Variants in CDH23 observed in about 807,000 individuals in gnomAD.
CDH23 encodes cadherin-23.
CDH23 carries 189 observed loss-of-function variants against 317.1 expected under a neutral mutation model. The ratio of observed to expected loss-of-function variants is 0.60; its 90% CI spans 0.53 to 0.67. CDH23 has a LOEUF of 0.67. CDH23 is among the 30% of genes least tolerant of loss of function. The probability of loss-of-function intolerance (pLI) is 0.00; values close to 1 mark genes in which losing one functional copy is unlikely to be tolerated. For synonymous variants in CDH23, 1,839 were observed against 1,876.8 expected (o/e 0.98, Z 0.52); for missense variants, 4,401 against 4,592.4 (o/e 0.96, Z 1.20).
chr10:71,694,544 T>C (rs1253997690), intron 21 of CDH23, among the ~76,000 whole-genome samples: 1 of 152,114 alleles, frequency 6.6e-6, no homozygotes, highest in Admixed American at 6.5e-5. Flanking sequence ...GCAGAAGGCA[T>C]GAGCCCCATA....
intron 64 of CDH23, 47 bp downstream of exon 64, chr10:71,811,637 C>T (rs763053144): frequency 1.1e-5 from 17 of 1,613,844 alleles, no homozygotes; most frequent in East Asian, 2.2e-5. Flanking sequence ...CACCTGCTCC[C>T]GGATGGCCAC....
At chr10:71,812,333 C>T (rs1262641107) in intron 66 of CDH23, 147 bp from the exon 67 acceptor site, 6 of 1,598,794 alleles carry the variant, frequency 3.8e-6, no homozygotes, top group East Asian at 2.2e-5. Context: ...TGGGAGCATG[C>T]ACCACAGGCA....
Position 71,403,705 on chromosome 10 carries a change from C to T in CDH23, c.-6+6387C>T, listed in dbSNP as rs192561597. On this transcript the variant is annotated intron_variant, in intron 1 of 69. Transcript: ENST00000224721. ...CTAATTTTTGTATTTTTAGTAGAAA[C>T]GGGGTTTCACCATGTTTACCGGGAT... Among the ~76,000 whole-genome samples, 1,025 of 151,506 alleles carry T rather than the reference C, an allele frequency of 6.8e-3. 16 individuals are homozygous for T. Among genetic ancestry groups the T allele is most frequent in the Admixed American group, 0.041 (630 of 15,194 alleles).
chr10:71,609,737 G>A (rs970682838), intron 9 of CDH23, among the ~76,000 whole-genome samples: 1 of 152,018 alleles, frequency 6.6e-6, no homozygotes, highest in East Asian at 1.9e-4. Flanking sequence ...CAGCAGCCTC[G>A]CCTGGTGCGC....
intron 1 of CDH23, among the ~76,000 whole-genome samples, chr10:71,416,305 A>G (rs1848531394): frequency 6.6e-6 from 1 of 152,182 alleles, no homozygotes. Context: ...GATTACAGGC[A>G]TAAGCCACTG....
At chr10:71,707,080 G>A in intron 26 of CDH23, 31 bp downstream of exon 26, 1 of 1,581,932 alleles carries the variant, frequency 6.3e-7, no homozygotes, top group Non-Finnish European at 8.6e-7. Flanking sequence ...CACCTGTGCA[G>A]GCCTCCTGGG....
At chr10:71,606,181 G>A (rs913750976) in intron 9 of CDH23, among the ~76,000 whole-genome samples, 1 of 152,208 alleles carries the variant, frequency 6.6e-6, no homozygotes, top group African/African-American at 2.4e-5. Flanking sequence ...ATTAGGAGAG[G>A]TTATAATTTG....
chr10:71,779,710 A>G (rs556415807), intron 41 of CDH23, among the ~76,000 whole-genome samples: 1 of 152,364 alleles, frequency 6.6e-6, no homozygotes, highest in East Asian at 1.9e-4. Flanking sequence ...GAACATGATT[A>G]AAAAATGCCC....
intron 16 of CDH23, among the ~76,000 whole-genome samples, chr10:71,678,620 G>A (rs139852677): frequency 3.9e-5 from 6 of 152,302 alleles, no homozygotes; most frequent in Admixed American, 2.0e-4. Flanking sequence ...ACGGCCCCCC[G>A]TACAACCCTG....
At chr10:71,702,855 G>A (rs1439951785) in intron 24 of CDH23, among the ~76,000 whole-genome samples, 161 bp downstream of exon 24, 1 of 152,200 alleles carries the variant, frequency 6.6e-6, no homozygotes, top group Admixed American at 6.5e-5. Context: ...GCAGGAAAAG[G>A]ATAGGGAGAT....
chr10:71,398,193 C>T (rs1026651564), intron 1 of CDH23, among the ~76,000 whole-genome samples: 9 of 152,234 alleles, frequency 5.9e-5, no homozygotes, highest in Non-Finnish European at 2.9e-5. Context: ...CGCCGCCCCA[C>T]TGCGACCCCA....
intron 11 of CDH23, among the ~76,000 whole-genome samples, chr10:71,638,916 G>A (rs1423304689): frequency 3.3e-5 from 5 of 152,250 alleles, no homozygotes; most frequent in Admixed American, 2.6e-4. Flanking sequence ...GAAGTTGCGG[G>A]GCAGCCCTCC....
In CDH23 at chr10:71,677,692, G is replaced by C; in HGVS notation, c.1751G>C (p.Arg584Pro). 6.4e-7 allele frequency: 1 copy of C among 1,555,264 alleles called. No homozygotes were observed. Among genetic ancestry groups the C allele is most frequent in the Non-Finnish European group, 8.7e-7 (1 of 1,148,836 alleles). Residue 584 changes from arginine to proline, a missense_variant and splice_region_variant, in exon 16 of 70, where the codon CGG becomes CCG. Arg to Pro is a moderately radical substitution (Grantham distance 103). Coordinates refer to ENST00000224721, the MANE Select transcript of CDH23 (RefSeq NM_022124.6). ...TCTGTCACACAGCTGGTGCGGCTCC[G>C]GGTAAGGTGCCAGGGAGCCCTGCAC... Reference protein sequence around the residue: ...EPSVTQLVRLRATDEDSPPNN... With the variant: ...EPSVTQLVRLPATDEDSPPNN...
intron 28 of CDH23, chr10:71,716,349 C>T (rs1256355169): frequency 2.0e-6 from 3 of 1,464,286 alleles, no homozygotes; most frequent in Admixed American, 2.6e-5. Context: ...GCTCCTGCAA[C>T]AGCAACAAGA....
chr10:71,784,298 A>G lies in CDH23; in HGVS notation c.5380A>G (p.Ile1794Val), dbSNP rs1841037554. ...MDGDPLGEFV[I>V]SPVEGVLRVR... Reference sequence around the variant, plus strand: ...CTGGTGACACCCAGGGGAGTTTGTGATCTCTCCTGTGGAGGGGGTGCTAAG... The same window carrying G: ...CTGGTGACACCCAGGGGAGTTTGTGGTCTCTCCTGTGGAGGGGGTGCTAAG... The change falls in exon 42 of 70, where the codon ATC becomes GTC. Residue 1794 changes from isoleucine (I) to valine (V), a missense_variant. By Grantham distance (29) the Ile-to-Val change is conservative. Around this residue, in one of 3 missense-constraint regions of CDH23, gnomAD observed 3,068 missense variants for 3,203.3 expected, o/e 0.96. Coordinates refer to ENST00000224721, the MANE Select transcript of CDH23 (RefSeq NM_022124.6). 2.5e-6 allele frequency: 4 copies of G among 1,613,266 alleles called. No individual in the cohort carries two copies. Among genetic ancestry groups the G allele is most frequent in the African/African-American group, 1.3e-5 (1 of 75,014 alleles).
intron 18 of CDH23, among the ~76,000 whole-genome samples, chr10:71,686,136 G>A (rs1396710907): frequency 6.6e-6 from 1 of 152,024 alleles, no homozygotes; most frequent in Non-Finnish European, 1.5e-5. Flanking sequence ...TTTGTAGAGC[G>A]AGCCGCTGAT....
In CDH23 at chr10:71,800,666, C is replaced by A. The variant is rs760879110; in HGVS notation, c.7393C>A (p.Arg2465=). The A allele has an allele frequency of 6.2e-7, 1 of 1,613,904 alleles. No homozygotes were observed. Among genetic ancestry groups the A allele is most frequent in the Non-Finnish European group, 8.5e-7 (1 of 1,179,880 alleles). The change falls in exon 53 of 70, where the codon CGG becomes AGG. Residue 2465 remains arginine, a synonymous_variant. Transcript: ENST00000224721. ...CATCTATGTGCTGTCTTCTCTGGACCGGGAGAAGAAGGACCACTATATCCT... is the reference window on the plus strand; with the variant it reads ...CATCTATGTGCTGTCTTCTCTGGACAGGGAGAAGAAGGACCACTATATCCT... The part of the protein sequence containing the change: ...GDIYVLSSLD[R]EKKDHYILTA...
At chr10:71,642,393 C>CTTTTTT (rs781291264) in intron 11 of CDH23, among the ~76,000 whole-genome samples, 14 of 85,390 alleles carry the variant, frequency 1.6e-4, no homozygotes, top group South Asian at 5.6e-4. Flanking sequence ...GGCCCGGCCT[C>CTTTTTT]TTTTTTTTTT....
Position 71,751,786 on chromosome 10 carries a change from C to T in CDH23, c.4845+9865C>T. On this transcript the variant is annotated intron_variant, in intron 38 of 69. Coordinates refer to ENST00000224721, the MANE Select transcript of CDH23 (RefSeq NM_022124.6). This position sits in a 1 kb window ranked among gnomAD's most constrained non-coding sequence, Gnocchi z 4.9. ...GCTGGGCCACATAGGACAGGGGGTGCCTGACTTTGGCCTCGGGTATCCCCT... is the reference window on the plus strand; with the variant it reads ...GCTGGGCCACATAGGACAGGGGGTGTCTGACTTTGGCCTCGGGTATCCCCT... 1 of 1,599,660 alleles carries T rather than the reference C, an allele frequency of 6.3e-7. No homozygotes were observed. The highest frequency in any genetic ancestry group is 2.2e-5 in the East Asian group (1 of 44,502).
Sources: allele counts gnomAD v4.1 joint callset (sites outside exome capture counted in the v4.1 genomes callset), GRCh38; gene constraint gnomAD v4.1.1; regional missense constraint gnomAD v4.1.1; non-coding constraint Gnocchi (gnomAD v3.1); transcripts MANE v1.5; gene names NCBI Gene and HGNC (gene_info 2026-07-23, HGNC 2026-07-21).